Variants in TJP2 observed in about 807,000 individuals in gnomAD.
TJP2 encodes the protein tight junction protein 2, also known as Friedreich ataxia region gene X104 (tight junction protein ZO-2).
In TJP2, 91 loss-of-function variants were observed where a neutral mutation model predicts 133.1. The ratio of observed to expected loss-of-function variants is 0.68; its 90% CI spans 0.58 to 0.81. The LOEUF (loss-of-function observed/expected upper bound fraction) is 0.81, where lower values mean the gene tolerates loss of function less well. TJP2 is among the 40% of genes least tolerant of loss of function. TJP2 has a pLI of 0.00. For synonymous variants in TJP2, 592 were observed against 583.4 expected, an observed-to-expected ratio of 1.01 and a Z score of -0.21; for missense variants, 1,541 against 1,565.6, an observed-to-expected ratio of 0.98 and a Z score of 0.26.
chr9:69,175,227 G>C (rs1040593749), intron 1 of TJP2, among the ~76,000 whole-genome samples: 1 of 152,196 alleles, frequency 6.6e-6, no homozygotes, highest in South Asian at 2.1e-4. Context: ...TCTGGCAGCT[G>C]TCTGGCCTGA....
intron 20 of TJP2, among the ~76,000 whole-genome samples, 154 bp from the exon 21 acceptor site, chr9:69,250,881 G>A (rs1831281568): frequency 6.6e-6 from 1 of 152,160 alleles, no homozygotes; most frequent in Admixed American, 6.5e-5. Flanking sequence ...CTGGCCAGTG[G>A]CTGTTTGCCC....
chr9:69,229,133 C>T lies in TJP2; in HGVS notation c.1454-51C>T, dbSNP rs774654155. 3.3e-5 allele frequency: 50 copies of T among 1,528,122 alleles called. 1 individual carries two copies. Among genetic ancestry groups the T allele is most frequent in the South Asian group, 1.7e-4 (15 of 89,318 alleles). 94.7% of individuals were successfully genotyped at this position (1,528,122 alleles called of 1,614,324 possible). ...ATTTTGTGATTTTTCTATTTAGAAA[C>T]GCACTCTTGTTAGTCCAGATTGATA... On this transcript the variant is annotated intron_variant, in intron 9 of 22. Coordinates refer to ENST00000377245, the MANE Select transcript of TJP2 (RefSeq NM_004817.4).
intron 16 of TJP2, among the ~76,000 whole-genome samples, chr9:69,239,703 A>C (rs1307709543): frequency 6.6e-6 from 1 of 152,042 alleles, no homozygotes; most frequent in African/African-American, 2.4e-5. Flanking sequence ...AATCCCAGCT[A>C]CTCAGGAGGC....
At chr9:69,165,602 C>A (rs1165111427) in intron 2 of TJP2, among the ~76,000 whole-genome samples, 1 of 152,156 alleles carries the variant, frequency 6.6e-6, no homozygotes, top group Non-Finnish European at 1.5e-5. Flanking sequence ...TGCATTTAGT[C>A]AATCATTGTT....
At chr9:69,213,543 T>C (rs1469529174) in intron 2 of TJP2, among the ~76,000 whole-genome samples, 1 of 152,222 alleles carries the variant, frequency 6.6e-6, no homozygotes, top group Non-Finnish European at 1.5e-5. Context: ...AGCTTCAAGC[T>C]TTGTCTTCTA....
chr9:69,134,726 C>T (rs1822649722), intron 1 of TJP2, among the ~76,000 whole-genome samples: 1 of 152,206 alleles, frequency 6.6e-6, no homozygotes, highest in Non-Finnish European at 1.5e-5. Flanking sequence ...TCTTAGTCAG[C>T]TCGGGCTGCT....
At chr9:69,235,295 TTTTA>T (rs929800157) in intron 12 of TJP2, among the ~76,000 whole-genome samples, 154 of 113,426 alleles carry the variant, frequency 1.4e-3, no homozygotes, top group African/African-American at 3.7e-3. Context: ...CCTCCTAATT[TTTTA>T]TTTATTTATT....
intron 1 of TJP2, among the ~76,000 whole-genome samples, chr9:69,209,497 T>A (rs943586721): frequency 1.3e-5 from 2 of 151,710 alleles, no homozygotes; most frequent in African/African-American, 4.8e-5. Flanking sequence ...CTCACACCTG[T>A]AATCCCAGCG....
intron 2 of TJP2, among the ~76,000 whole-genome samples, chr9:69,162,813 T>C (rs1482029853): frequency 6.6e-6 from 1 of 152,232 alleles, no homozygotes; most frequent in Non-Finnish European, 1.5e-5. Context: ...GGTGACATTT[T>C]AGTTGTACTT....
chr9:69,254,561 G>C lies in TJP2; in HGVS notation c.*187G>C, dbSNP rs780438003. On this transcript the variant is annotated 3_prime_UTR_variant, in exon 23 of 23. Coordinates refer to ENST00000377245, the MANE Select transcript of TJP2 (RefSeq NM_004817.4). ...AAATTCAGAACTGAGGGCTCTGTTT[G>C]TGGGACTGGGTTAGAGGAGTCTGTG... 1.4e-4 allele frequency: 99 copies of C among 715,854 alleles called. No individual in the cohort carries two copies. Among genetic ancestry groups the C allele is most frequent in the Non-Finnish European group, 2.2e-4 (90 of 414,266 alleles). The allele number at this position is 715,854 out of a possible 1,614,324, so 44.3% of individuals were successfully genotyped here. A position where few individuals can be genotyped will look rare whatever the true frequency, so the allele number is the denominator to read the frequency against.
chr9:69,244,430 A>G (rs1428900458), intron 17 of TJP2, among the ~76,000 whole-genome samples: 1 of 152,132 alleles, frequency 6.6e-6, no homozygotes, highest in African/African-American at 2.4e-5. Context: ...GGTAGCACTG[A>G]CCATACATGT....
chr9:69,122,729 A>C (rs1427489210), intron 1 of TJP2, among the ~76,000 whole-genome samples: 1 of 152,156 alleles, frequency 6.6e-6, no homozygotes, highest in Non-Finnish European at 1.5e-5. Context: ...TGAGTATCTC[A>C]ACTATCCTTA....
Position 69,123,210 on chromosome 9 carries a change from C to CTCTGATGGCTAATGATGTTGAA in TJP2, c.-131+1486_-131+1487insCTGATGGCTAATGATGTTGAAT, listed in dbSNP as rs1391547402. Among the ~76,000 whole-genome samples, 15 of 17,588 alleles carry CTCTGATGGCTAATGATGTTGAA rather than the reference C, an allele frequency of 8.5e-4. 1 individual carries two copies. Among genetic ancestry groups the CTCTGATGGCTAATGATGTTGAA allele is most frequent in the Admixed American group, 3.2e-3 (3 of 944 alleles). The allele number at this position is 17,588 out of a possible 152,430, so 11.5% of individuals were successfully genotyped here. On this transcript the variant is annotated intron_variant, in intron 1 of 5. Coordinates refer to the TJP2 transcript ENST00000423935. ...TCTTTGTTTTGCCCACCAGGACACT[C>CTCTGATGGCTAATGATGTTGAA]TACAGCCGCATGGGTTAGAGCACCT...
At chr9:69,203,462 C>A (rs954983226) in intron 1 of TJP2, among the ~76,000 whole-genome samples, 1 of 151,698 alleles carries the variant, frequency 6.6e-6, no homozygotes, top group Non-Finnish European at 1.5e-5. Context: ...CCAACATGCC[C>A]GGATTTTTTG....
chr9:69,166,611 AT>A (rs1202923664), intron 2 of TJP2, among the ~76,000 whole-genome samples: 1 of 151,700 alleles, frequency 6.6e-6, no homozygotes, highest in Non-Finnish European at 1.5e-5. Context: ...AGTAGCTGGG[AT>A]TACAGGCATG....
In TJP2 at chr9:69,163,569, A is replaced by G. The variant is rs1342311459; in HGVS notation, c.-10+11798A>G. Reference sequence around the variant, plus strand: ...GAGGATCACTTGAGCCTGGGAGGCAATGGTTGCAGTGACCTGAGATTGTAT... The same window carrying G: ...GAGGATCACTTGAGCCTGGGAGGCAGTGGTTGCAGTGACCTGAGATTGTAT... On this transcript the variant is annotated intron_variant, in intron 2 of 5. Coordinates refer to the TJP2 transcript ENST00000423935. Among the ~76,000 whole-genome samples, 3 of 151,798 alleles carry G rather than the reference A, an allele frequency of 2.0e-5. No individual in the cohort carries two copies. The East Asian group carries it at 5.9e-4, about 30-fold the overall frequency.
chr9:69,122,352 C>G (rs980776167), intron 1 of TJP2: 1 of 152,272 alleles, frequency 6.6e-6, no homozygotes, highest in Non-Finnish European at 1.5e-5. Context: ...CGCCGCGGGG[C>G]TTGAAAACTC....
At chr9:69,121,411 T>C, upstream of TJP2, 4 of 929,842 alleles carry the variant, frequency 4.3e-6, no homozygotes, top group Non-Finnish European at 5.1e-6. Context: ...CGCTGCTCTC[T>C]GGCTCGCCAC....
chr9:69,240,959 G>C (rs1028860739), intron 17 of TJP2, among the ~76,000 whole-genome samples: 3 of 152,100 alleles, frequency 2.0e-5, no homozygotes, highest in African/African-American at 7.2e-5. Flanking sequence ...ATTTATGGTT[G>C]ACCTAATATA....
Sources: gnomAD v4.1 joint callset for allele counts (sites outside exome capture counted in the v4.1 genomes callset) on GRCh38, gnomAD v4.1.1 for gene constraint, MANE v1.5 for transcripts, NCBI Gene and HGNC (gene_info 2026-07-23, HGNC 2026-07-21) for gene names.